The following SYNDIG1 variants were observed in gnomAD, a reference collection of about 807,000 sequenced individuals.
SYNDIG1 encodes synapse differentiation-inducing gene protein 1.
SYNDIG1 carries 9 observed loss-of-function variants against 19.4 expected under a neutral mutation model. The ratio of observed to expected loss-of-function variants is 0.46; its 90% CI spans 0.28 to 0.81. The LOEUF (loss-of-function observed/expected upper bound fraction) is 0.81. Among genes scored for constraint, SYNDIG1 ranks in the 30% least tolerant of loss-of-function variants. SYNDIG1 has a pLI of 0.12. For missense variants in SYNDIG1, 311 were observed against 343.3 expected, an observed-to-expected ratio of 0.91 and a Z score of 0.74; for synonymous variants, 141 against 145.9, an observed-to-expected ratio of 0.97 and a Z score of 0.24.
chr20:24,626,591 A>T (rs1012514855), intron 3 of SYNDIG1, among the ~76,000 whole-genome samples: 5 of 146,346 alleles, frequency 3.4e-5, no homozygotes, highest in African/African-American at 1.3e-4. Flanking sequence ...CACTTTCCAG[A>T]CTGGGCAGCC....
chr20:24,507,577 G>C (rs1057331263), intron 1 of SYNDIG1, among the ~76,000 whole-genome samples: 1 of 152,182 alleles, frequency 6.6e-6, no homozygotes, highest in Non-Finnish European at 1.5e-5. Flanking sequence ...CCGTGAATGT[G>C]GCCTGCAGAA....
intron 2 of SYNDIG1, among the ~76,000 whole-genome samples, chr20:24,547,019 C>A (rs561184900): frequency 6.6e-6 from 1 of 152,310 alleles, no homozygotes; most frequent in African/African-American, 2.4e-5. Flanking sequence ...CAGAATGGGG[C>A]CCCCTCATTG....
intron 3 of SYNDIG1, among the ~76,000 whole-genome samples, chr20:24,588,127 T>C (rs2058448056): frequency 6.6e-6 from 1 of 152,166 alleles, no homozygotes; most frequent in Non-Finnish European, 1.5e-5. Context: ...TCCTGACCCA[T>C]ACAGTGATGT....
chr20:24,647,288 A>T (rs192464377), intron 3 of SYNDIG1, among the ~76,000 whole-genome samples: 1 of 152,200 alleles, frequency 6.6e-6, no homozygotes, highest in Admixed American at 6.5e-5. Context: ...AGGGCAGGGT[A>T]CATGGCAGCA....
intron 1 of SYNDIG1, among the ~76,000 whole-genome samples, chr20:24,539,684 G>A (rs6049766): frequency 0.092 from 13,985 of 152,204 alleles, 767 homozygotes; most frequent in African/African-American, 0.13. Context: ...TGACATCCTA[G>A]CAATGTTAAG....
At chr20:24,590,119 T>C (rs1348001344) in intron 3 of SYNDIG1, among the ~76,000 whole-genome samples, 1 of 152,006 alleles carries the variant, frequency 6.6e-6, no homozygotes, top group Admixed American at 6.6e-5. Context: ...GGGAGAAACG[T>C]TTTTAACAGG....
At chr20:24,637,993 G>T (rs563057689) in intron 3 of SYNDIG1, among the ~76,000 whole-genome samples, 2 of 152,248 alleles carry the variant, frequency 1.3e-5, no homozygotes, top group African/African-American at 4.8e-5. Flanking sequence ...CTAGTTAATG[G>T]CCAAGCTGGG....
At chr20:24,593,856 G>C (rs2058552724) in intron 3 of SYNDIG1, among the ~76,000 whole-genome samples, 1 of 151,954 alleles carries the variant, frequency 6.6e-6, no homozygotes, top group Admixed American at 6.6e-5. Context: ...AATCCATCGT[G>C]TCCTTTGCCC....
chr20:24,638,585 A>C (rs1299616297), intron 3 of SYNDIG1, among the ~76,000 whole-genome samples: 1 of 151,918 alleles, frequency 6.6e-6, no homozygotes, highest in Admixed American at 6.6e-5. Flanking sequence ...CTGGTCTCAA[A>C]CTCCTGGACT....
Position 24,487,388 on chromosome 20 carries a change from G to A in SYNDIG1, c.-79+17635G>A, listed in dbSNP as rs144326169. Among the ~76,000 whole-genome samples the A allele has an allele frequency of 8.7e-4, 133 of 152,238 alleles. 1 individual carries two copies. The highest frequency in any genetic ancestry group is 3.1e-3 in the African/African-American group (128 of 41,540). On this transcript the variant is annotated intron_variant, in intron 1 of 3. Coordinates refer to ENST00000376862, the MANE Select transcript of SYNDIG1 (RefSeq NM_024893.3). Reference sequence around the variant, plus strand: ...GGTGATGAGTGTTACAAAAGACACAGCAAGAGCCCAGGTTCACAAGGGATG... The same window carrying A: ...GGTGATGAGTGTTACAAAAGACACAACAAGAGCCCAGGTTCACAAGGGATG...
At chr20:24,620,232 C>T (rs1397005212) in intron 3 of SYNDIG1, among the ~76,000 whole-genome samples, 1 of 152,204 alleles carries the variant, frequency 6.6e-6, no homozygotes, top group Admixed American at 6.5e-5. Context: ...GTGGCATAAA[C>T]AACTTTTTCA....
Position 24,584,987 on chromosome 20 carries a change from C to G in SYNDIG1, c.612C>G (p.Ser204=). Residue 204 remains serine, a synonymous_variant, in exon 3 of 4, where the codon TCC becomes TCG. Transcript: ENST00000376862. ...TGGGCATCGCAGCCTTCTACTTGTC[C>G]CATGAGGTAAGGCCTCCTTGGTCTG... ...WPLGIAAFYL[S]HETNKAVAKG... 1 of 1,612,488 alleles carries G rather than the reference C, an allele frequency of 6.2e-7. No homozygotes were observed. Among genetic ancestry groups the G allele is most frequent in the Non-Finnish European group, 8.5e-7 (1 of 1,179,406 alleles).
intron 3 of SYNDIG1, among the ~76,000 whole-genome samples, chr20:24,607,286 A>G (rs150863026): frequency 0.025 from 3,724 of 150,368 alleles, 63 homozygotes; most frequent in African/African-American, 0.036. Flanking sequence ...GCTTGAACCC[A>G]GGAGGCGGAT....
intron 3 of SYNDIG1, among the ~76,000 whole-genome samples, chr20:24,655,387 C>T (rs2059514654): frequency 6.6e-6 from 1 of 152,152 alleles, no homozygotes; most frequent in Non-Finnish European, 1.5e-5. Context: ...GGAGAGGTGA[C>T]AAAGTGGGTA....
At chr20:24,661,896 G>T (rs932746345) in intron 3 of SYNDIG1, among the ~76,000 whole-genome samples, 1 of 152,156 alleles carries the variant, frequency 6.6e-6, no homozygotes, top group African/African-American at 2.4e-5. Context: ...AATGGGCAGG[G>T]TGGGGGGTTC....
chr20:24,551,080 G>A (rs2057698204), intron 2 of SYNDIG1, among the ~76,000 whole-genome samples: 1 of 152,066 alleles, frequency 6.6e-6, no homozygotes, highest in South Asian at 2.1e-4. Context: ...GTTTAGTATT[G>A]GTATGATTTC....
chr20:24,632,979 T>A, intron 3 of SYNDIG1, among the ~76,000 whole-genome samples: 1 of 147,060 alleles, frequency 6.8e-6, no homozygotes, highest in East Asian at 2.1e-4. Context: ...TTTTGGTCAA[T>A]AAAGTTACCA....
At chr20:24,636,022 T>C (rs574169919) in intron 3 of SYNDIG1, among the ~76,000 whole-genome samples, 1 of 152,360 alleles carries the variant, frequency 6.6e-6, no homozygotes, top group African/African-American at 2.4e-5. Context: ...ACAATGACTG[T>C]CGTTGACCCA....
At chr20:24,494,902 G>A (rs2056256891) in intron 1 of SYNDIG1, among the ~76,000 whole-genome samples, 1 of 152,144 alleles carries the variant, frequency 6.6e-6, no homozygotes, top group Non-Finnish European at 1.5e-5. Flanking sequence ...AGCCCTCTGA[G>A]TTTTTGCATT....
Sources: gnomAD v4.1 joint callset for allele counts (sites outside exome capture counted in the v4.1 genomes callset) on GRCh38, gnomAD v4.1.1 for gene constraint, MANE v1.5 for transcripts, NCBI Gene and HGNC (gene_info 2026-07-23, HGNC 2026-07-21) for gene names.